METTL15: variants seen among roughly 807,000 people sequenced by gnomAD.
The protein encoded by METTL15 is 12S rRNA N(4)-cytidine methyltransferase METTL15.
In METTL15, 34 loss-of-function variants were observed where a neutral mutation model predicts 38.3. The observed-to-expected ratio is 0.89, with a 90% CI of 0.68 to 1.18. METTL15 has a LOEUF of 1.18. Ranked by LOEUF, METTL15 falls within the 50% of genes most tolerant of loss-of-function variation. The pLI, the probability that METTL15 is intolerant of heterozygous loss-of-function variation, is 0.00. For synonymous variants in METTL15, 162 were observed against 170.9 expected, an observed-to-expected ratio of 0.95 and a Z score of 0.41; for missense variants, 438 against 498.4, an observed-to-expected ratio of 0.88 and a Z score of 1.15.
At chr11:28,524,559 G>A in intron 6 of METTL15, among the ~76,000 whole-genome samples, 1 of 152,242 alleles carries the variant, frequency 6.6e-6, no homozygotes, top group East Asian at 1.9e-4. Flanking sequence ...CTTTGTTAGA[G>A]CATTAGTATT....
chr11:28,403,941 T>A (rs1174884348), intron 5 of METTL15, among the ~76,000 whole-genome samples: 3 of 152,066 alleles, frequency 2.0e-5, no homozygotes, highest in Non-Finnish European at 2.9e-5. Flanking sequence ...CTGTATCCTG[T>A]GATTTCTGCT....
chr11:28,244,922 A>G (rs1406727934), intron 4 of METTL15, among the ~76,000 whole-genome samples: 10 of 152,222 alleles, frequency 6.6e-5, no homozygotes, highest in Admixed American at 2.0e-4. Context: ...TATTTTGGTA[A>G]TATCTTCTAT....
At chr11:28,168,442 CAA>C (rs1223886886) in intron 3 of METTL15, among the ~76,000 whole-genome samples, 1 of 149,190 alleles carries the variant, frequency 6.7e-6, no homozygotes, top group African/African-American at 2.5e-5. Context: ...TCTTTTAGAG[CAA>C]ACAATCAGTA....
intron 4 of METTL15, among the ~76,000 whole-genome samples, chr11:28,359,698 ACTTGTGCGTC>A (rs1366632167): frequency 6.6e-6 from 1 of 152,018 alleles, no homozygotes; most frequent in Non-Finnish European, 1.5e-5. Context: ...TTTTTCATAC[ACTTGTGCGTC>A]TTTCTACAAG....
chr11:28,322,491 A>G (rs1849504511), intron 6 of METTL15, among the ~76,000 whole-genome samples: 1 of 152,160 alleles, frequency 6.6e-6, no homozygotes, highest in Non-Finnish European at 1.5e-5. Context: ...CAGACTAGTC[A>G]GGGTTAAAGA....
intron 6 of METTL15, among the ~76,000 whole-genome samples, chr11:28,502,769 C>T (rs1304400491): frequency 6.6e-6 from 1 of 152,040 alleles, no homozygotes; most frequent in Non-Finnish European, 1.5e-5. Flanking sequence ...GCAAAGTAAG[C>T]TCAGGGTACA....
chr11:28,210,452 A>G (rs1852583256), intron 3 of METTL15, among the ~76,000 whole-genome samples: 1 of 151,748 alleles, frequency 6.6e-6, no homozygotes, highest in South Asian at 2.1e-4. Flanking sequence ...TGTCAAACCT[A>G]GAGTTTACCC....
chr11:28,208,912 G>A (rs1852495781), intron 3 of METTL15, among the ~76,000 whole-genome samples: 1 of 151,980 alleles, frequency 6.6e-6, no homozygotes, highest in African/African-American at 2.4e-5. Context: ...AAAAATGAGA[G>A]TTGATGGCTC....
intron 5 of METTL15, among the ~76,000 whole-genome samples, chr11:28,391,841 A>C (rs1436346892): frequency 6.6e-6 from 1 of 152,222 alleles, no homozygotes; most frequent in Non-Finnish European, 1.5e-5. Context: ...CTTAAATGTT[A>C]GACCTGAAAC....
At chr11:28,399,908 A>G (rs1850613981) in intron 5 of METTL15, among the ~76,000 whole-genome samples, 1 of 151,918 alleles carries the variant, frequency 6.6e-6, no homozygotes, top group Non-Finnish European at 1.5e-5. Context: ...TGCTTCTCAA[A>G]GTATTTAGCA....
chr11:28,442,858 CATTTCTAAATGTTT>C lies in METTL15; in HGVS notation c.*424+18499_*424+18512del, dbSNP rs375922999. On this transcript the variant is annotated intron_variant and NMD_transcript_variant, in intron 6 of 7. Transcript: ENST00000532947. ...TTGACATATGCAGTAATCCAACCTCCATTTCTAAATGTTTATTTTTTATTATAAAAGTAATGAAT... is the reference window on the plus strand; with the variant it reads ...TTGACATATGCAGTAATCCAACCTCCATTTTTTATTATAAAAGTAATGAAT... Among the ~76,000 whole-genome samples, 147 of 152,242 alleles carry C rather than the reference CATTTCTAAATGTTT, an allele frequency of 9.7e-4. 1 individual carries two copies. The highest frequency in any genetic ancestry group is 3.4e-3 in the African/African-American group (143 of 41,546).
intron 4 of METTL15, among the ~76,000 whole-genome samples, chr11:28,235,873 G>C (rs893579772): frequency 4.2e-4 from 64 of 152,132 alleles, no homozygotes; most frequent in East Asian, 1.2e-3. Flanking sequence ...GAGGGCATCC[G>C]TGTCTTGTGC....
At chr11:28,176,377 T>G (rs1460726706) in intron 3 of METTL15, among the ~76,000 whole-genome samples, 1 of 152,146 alleles carries the variant, frequency 6.6e-6, no homozygotes, top group Non-Finnish European at 1.5e-5. Flanking sequence ...TCTAATGCAG[T>G]CATTAAAAGC....
At chr11:28,217,261 G>C (rs1340047359) in intron 4 of METTL15, among the ~76,000 whole-genome samples, 5 of 151,946 alleles carry the variant, frequency 3.3e-5, no homozygotes, top group African/African-American at 9.7e-5. Flanking sequence ...ATTCTAACTG[G>C]TGTGAGATGG....
chr11:28,218,184 C>A (rs927761726), intron 4 of METTL15, among the ~76,000 whole-genome samples: 1 of 152,086 alleles, frequency 6.6e-6, no homozygotes, highest in African/African-American at 2.4e-5. Context: ...TTCTTCCTAC[C>A]CATGAGCATG....
chr11:28,415,911 G>A (rs1200235813), intron 5 of METTL15, among the ~76,000 whole-genome samples: 1 of 152,146 alleles, frequency 6.6e-6, no homozygotes, highest in Non-Finnish European at 1.5e-5. Context: ...AAAGAACTAA[G>A]CAGTCTTACT....
intron 5 of METTL15, among the ~76,000 whole-genome samples, chr11:28,389,414 A>C (rs1377062807): frequency 1.7e-5 from 2 of 119,156 alleles, no homozygotes; most frequent in Non-Finnish European, 3.2e-5. Context: ...CCAGAGTGTG[A>C]TGTTCCCCTT....
At chr11:28,390,128 G>A (rs1475372320) in intron 5 of METTL15, among the ~76,000 whole-genome samples, 13 of 151,870 alleles carry the variant, frequency 8.6e-5, no homozygotes. Flanking sequence ...CTGGATATTA[G>A]CCCTTTGTCA....
intron 3 of METTL15, among the ~76,000 whole-genome samples, chr11:28,160,590 C>A (rs1399151300): frequency 6.6e-6 from 1 of 151,994 alleles, no homozygotes; most frequent in African/African-American, 2.4e-5. Context: ...TTCTTAAAGG[C>A]AATCCTGATT....
Sources: gnomAD v4.1 joint callset for allele counts (sites outside exome capture counted in the v4.1 genomes callset) on GRCh38, gnomAD v4.1.1 for gene constraint, MANE v1.5 for transcripts, NCBI Gene and HGNC (gene_info 2026-07-23, HGNC 2026-07-21) for gene names.